Variants in ZNF577 observed in about 807,000 individuals in gnomAD.
ZNF577 encodes zinc finger protein 577.
A neutral mutation model predicts 13.9 loss-of-function variants in ZNF577; 14 were observed. The observed-to-expected ratio is 1.00, with a 90% CI of 0.66 to 1.57. The LOEUF is 1.57. ZNF577 is among the 40% of genes most tolerant of loss of function. ZNF577 has a pLI of 0.00. For synonymous variants in ZNF577, 203 were observed against 202.9 expected (o/e 1.00, Z 0.00); for missense variants, 555 against 579.2 (o/e 0.96, Z 0.43).
At chr19:51,881,428 C>T (rs1285755400) in intron 1 of ZNF577, among the ~76,000 whole-genome samples, 1 of 152,198 alleles carries the variant, frequency 6.6e-6, no homozygotes, top group Non-Finnish European at 1.5e-5. Context: ...ATCATACAAA[C>T]CATAAGCACT....
intron 10 of ZNF577, among the ~76,000 whole-genome samples, chr19:51,805,479 T>C (rs992800260): frequency 1.3e-5 from 2 of 152,184 alleles, no homozygotes; most frequent in African/African-American, 2.4e-5. Flanking sequence ...GAAAGCTCCT[T>C]GCAAATGGGC....
chr19:51,817,654 C>G (rs985645541), intron 9 of ZNF577: 7 of 152,088 alleles, frequency 4.6e-5, no homozygotes, highest in African/African-American at 1.4e-4. Flanking sequence ...CTCTGTTCTA[C>G]TCATCAATAC....
rs142092392 is a variant in ZNF577 at position 51,854,333 on chromosome 19, ATTT to A, written c.284-9405_284-9403del. 7.6e-5 allele frequency among the ~76,000 whole-genome samples: 11 copies of A among 145,554 alleles called. 1 individual carries two copies. Among genetic ancestry groups the A allele is most frequent in the Middle Eastern group, 7.1e-3 (2 of 282 alleles). On this transcript the variant is annotated intron_variant and NMD_transcript_variant, in intron 5 of 10. Transcript: ENST00000638827. The stretch of plus-strand genomic sequence containing the variant: ...AAGGTAATGAATTGATGCTATTTGG[ATTT>A]TTTTTTTTTGAGACAGGATCTCACT...
chr19:51,858,133 A>T (rs2084457805), intron 5 of ZNF577, among the ~76,000 whole-genome samples: 1 of 152,212 alleles, frequency 6.6e-6, no homozygotes, highest in Non-Finnish European at 1.5e-5. Context: ...TCCTCAATCT[A>T]TATTCAGCCC....
rs1291808594 is a variant in ZNF577 at position 51,812,727 on chromosome 19, A to G, written c.*600-1053T>C. On this transcript the variant is annotated intron_variant and NMD_transcript_variant, in intron 9 of 10. Coordinates refer to the ZNF577 transcript ENST00000638827. ...CATTACATTGAGGACAACCTCCTCT[A>G]AGAAGATTCACTTGATACACACATT... Among the ~76,000 whole-genome samples the G allele has an allele frequency of 4.6e-5, 7 of 152,316 alleles. No individual in the cohort carries two copies. The East Asian group carries it at 1.2e-3, about 25-fold the overall frequency.
At chr19:51,837,271 T>C (rs2084293058) in intron 9 of ZNF577, among the ~76,000 whole-genome samples, 1 of 152,018 alleles carries the variant, frequency 6.6e-6, no homozygotes, top group South Asian at 2.1e-4. Flanking sequence ...CAAGAAAGAG[T>C]GAAACTTACT....
intron 5 of ZNF577, among the ~76,000 whole-genome samples, chr19:51,877,062 G>A (rs374783194): frequency 5.9e-5 from 9 of 152,170 alleles, no homozygotes; most frequent in Non-Finnish European, 1.2e-4. Context: ...TCGATGACAT[G>A]GACTGAAATC....
chr19:51,839,416 TAAG>T (rs1462932489), intron 9 of ZNF577, among the ~76,000 whole-genome samples: 12 of 151,878 alleles, frequency 7.9e-5, no homozygotes, highest in South Asian at 2.1e-4. Context: ...ATAATAATAA[TAAG>T]AAGAAATTAC....
At chr19:51,805,523 A>T (rs2084052584) in intron 10 of ZNF577, among the ~76,000 whole-genome samples, 1 of 152,202 alleles carries the variant, frequency 6.6e-6, no homozygotes, top group Non-Finnish European at 1.5e-5. Context: ...CACTTTTGTT[A>T]TATTCTAAGT....
At position 51,870,511 on chromosome 19, in the gene ZNF577, A is replaced by C. The variant is rs757011966; in HGVS notation, c.*2021T>G. ...TACTTAAGGTCCACTGTGATTCTCC[A>C]AATGTTAGGAGGCGTTTCCACTCCA... On this transcript the variant is annotated 3_prime_UTR_variant, in exon 6 of 6. Coordinates refer to ENST00000638348, the MANE Select transcript of ZNF577 (RefSeq NM_001370449.1). Among the ~76,000 whole-genome samples the C allele has an allele frequency of 4.9e-4, 74 of 152,166 alleles. No individual in the cohort carries two copies. The highest frequency in any genetic ancestry group is 1.3e-4 in the Admixed American group (2 of 15,276).
rs189429970 is a variant in ZNF577, at chr19:51,871,960, G to T, written c.*572C>A. The T allele has an allele frequency of 4.6e-5, 7 of 152,364 alleles. No individual in the cohort carries two copies. The highest frequency in any genetic ancestry group is 4.6e-4 in the Admixed American group (7 of 15,304). The allele number at this position is 152,364 out of a possible 1,614,324, so 9.4% of individuals were successfully genotyped here. A position where few individuals can be genotyped will look rare whatever the true frequency, so the allele number is the denominator to read the frequency against. ...TGTGTTGTTTTAAGCCATTAAATTT[G>T]TGTTAGTTTGGTGCAACACTCATAA... On this transcript the variant is annotated 3_prime_UTR_variant, in exon 6 of 6. Coordinates refer to ENST00000638348, the MANE Select transcript of ZNF577 (RefSeq NM_001370449.1).
At chr19:51,845,827 G>T (rs1056213245) in intron 5 of ZNF577, among the ~76,000 whole-genome samples, 4 of 152,166 alleles carry the variant, frequency 2.6e-5, no homozygotes, top group Non-Finnish European at 5.9e-5. Flanking sequence ...TGGCTCAAGA[G>T]TATTCCATTG....
chr19:51,813,786 G>A (rs987675942), intron 9 of ZNF577, among the ~76,000 whole-genome samples: 8 of 152,072 alleles, frequency 5.3e-5, no homozygotes, highest in South Asian at 4.1e-4. Context: ...CACCCACCTC[G>A]GCCTCCCAAA....
intron 9 of ZNF577, among the ~76,000 whole-genome samples, chr19:51,814,775 G>A (rs2084122402): frequency 6.6e-6 from 1 of 151,818 alleles, no homozygotes; most frequent in African/African-American, 2.4e-5. Flanking sequence ...TTACAGGCAT[G>A]AGCCACTGCA....
At chr19:51,844,548 T>C (rs1235634967) in intron 6 of ZNF577, among the ~76,000 whole-genome samples, 1 of 152,254 alleles carries the variant, frequency 6.6e-6, no homozygotes, top group African/African-American at 2.4e-5. Context: ...GCTACTTATA[T>C]GGCAATTGTC....
intron 9 of ZNF577, among the ~76,000 whole-genome samples, chr19:51,839,329 G>C (rs2084306420): frequency 6.6e-6 from 1 of 152,162 alleles, no homozygotes; most frequent in Non-Finnish European, 1.5e-5. Flanking sequence ...AGGAGGTTGA[G>C]GCTGCAGTAA....
At chr19:51,813,119 AACACACACACACACACACACACACAC>A (rs35245083) in intron 9 of ZNF577, among the ~76,000 whole-genome samples, 2 of 137,122 alleles carry the variant, frequency 1.5e-5, no homozygotes, top group Non-Finnish European at 3.2e-5. Flanking sequence ...GCTCTGTCTC[AACACACACACACACACACACACACAC>A]ACACACACAC....
chr19:51,816,395 G>A (rs1263204425), intron 9 of ZNF577, among the ~76,000 whole-genome samples: 5 of 152,090 alleles, frequency 3.3e-5, no homozygotes, highest in Non-Finnish European at 7.4e-5. Context: ...TTACTGGCAT[G>A]TGCCACTACA....
At chr19:51,831,368 T>C (rs1286430643) in intron 9 of ZNF577, among the ~76,000 whole-genome samples, 1 of 152,152 alleles carries the variant, frequency 6.6e-6, no homozygotes, top group African/African-American at 2.4e-5. Context: ...CCACCTGCCT[T>C]GGCCTCCCAA....
Sources: allele counts gnomAD v4.1 joint callset (sites outside exome capture counted in the v4.1 genomes callset), GRCh38; gene constraint gnomAD v4.1.1; transcripts MANE v1.5; gene names NCBI Gene and HGNC (gene_info 2026-07-23, HGNC 2026-07-21).